FLT4: variants seen among roughly 807,000 people sequenced by gnomAD.
FLT4 encodes fms related receptor tyrosine kinase 4.
Under a neutral mutation model 163.2 loss-of-function variants are expected in FLT4, and 30 were observed. The ratio of observed to expected loss-of-function variants is 0.18; its 90% confidence interval spans 0.14 to 0.25. The LOEUF (loss-of-function observed/expected upper bound fraction) is 0.25. Among genes scored for constraint, FLT4 ranks in the 10% least tolerant of loss-of-function variants. The probability of loss-of-function intolerance (pLI) is 1.00; values close to 1 mark genes in which losing one functional copy is unlikely to be tolerated. For missense variants in FLT4, 1,510 were observed against 1,863.8 expected, an observed-to-expected ratio of 0.81 and a Z score of 3.50; for synonymous variants, 884 against 789.5, an observed-to-expected ratio of 1.12 and a Z score of -2.01.
At chr5:180,648,193 G>A (rs986192819) in intron 1 of FLT4, among the ~76,000 whole-genome samples, 7 of 152,208 alleles carry the variant, frequency 4.6e-5, no homozygotes, top group African/African-American at 1.7e-4. Flanking sequence ...CTGGGTCCAG[G>A]AGGGCCAAGG....
chr5:180,621,396 A>C (rs998927887), intron 13 of FLT4, 144 bp from the exon 14 acceptor site: 131 of 1,406,982 alleles, frequency 9.3e-5, no homozygotes, highest in Admixed American at 3.0e-4. Flanking sequence ...GCGCCTCCGC[A>C]GGGGGCGGCG....
rs769582484 is a variant in FLT4 at position 180,621,086 on chromosome 5, G to C, written c.2167+20C>G. ...TCGCGGGCCTCCGGACCTGCCCTTC[G>C]CCAGGGCCACCCTCCCTACCAGACT... On this transcript the variant is annotated intron_variant, in intron 14 of 29. Transcript: ENST00000261937. The C allele has an allele frequency of 5.0e-6, 8 of 1,612,584 alleles. No individual in the cohort carries two copies. The highest frequency in any genetic ancestry group is 5.9e-6 in the Non-Finnish European group (7 of 1,179,946).
At chr5:180,608,762 C>G (rs531778173) in intron 29 of FLT4, among the ~76,000 whole-genome samples, 271 of 152,244 alleles carry the variant, frequency 1.8e-3, no homozygotes, top group African/African-American at 6.2e-3. Flanking sequence ...CCAGCGCCCA[C>G]GTGGCCAGCA....
At chr5:180,633,422 C>T (rs993984627) in intron 1 of FLT4, among the ~76,000 whole-genome samples, 7 of 151,718 alleles carry the variant, frequency 4.6e-5, no homozygotes, top group African/African-American at 1.7e-4. Flanking sequence ...CCAGCCCTCC[C>T]TTGGGGCCCC....
At chr5:180,609,610 A>T (rs1762019612) in intron 28 of FLT4, 1 of 424,914 alleles carries the variant, frequency 2.4e-6, no homozygotes, top group African/African-American at 2.0e-5. Context: ...CTCACTGACC[A>T]GGCCCGGGAC....
intron 1 of FLT4, among the ~76,000 whole-genome samples, chr5:180,640,203 G>C (rs970480701): frequency 6.6e-6 from 1 of 152,168 alleles, no homozygotes; most frequent in Non-Finnish European, 1.5e-5. Flanking sequence ...AGCAGCGAGC[G>C]AGGTGGGGGG....
At chr5:180,634,120 C>G (rs35633012) in intron 1 of FLT4, among the ~76,000 whole-genome samples, 1 of 152,078 alleles carries the variant, frequency 6.6e-6, no homozygotes, top group Admixed American at 6.5e-5. Flanking sequence ...TGGACCTCCT[C>G]CTCCCATCCT....
rs2279622 is a variant in FLT4, at chr5:180,601,743, C to T, written c.*1449G>A. 0.12 allele frequency: 28,596 copies of T among 232,694 alleles called. 2,802 individuals carry two copies. The highest frequency in any genetic ancestry group is 0.3 in the African/African-American group (13,477 of 45,268). The allele number at this position is 232,694 out of a possible 1,614,324, so 14.4% of individuals were successfully genotyped here. A position where few individuals can be genotyped will look rare whatever the true frequency, so the allele number is the denominator to read the frequency against. ...GACACGCCAGTCCCACGTTGGACGA[C>T]GTGCAGAGGAAGGGGGAGGTCCACG... is the stretch of plus-strand genomic sequence containing the variant. On this transcript the variant is annotated 3_prime_UTR_variant, in exon 30 of 30. Transcript: ENST00000261937.
intron 17 of FLT4, 76 bp from the exon 18 acceptor site, chr5:180,619,845 C>A: frequency 1.9e-6 from 2 of 1,077,214 alleles, no homozygotes; most frequent in Non-Finnish European, 2.8e-6. Flanking sequence ...GGGGGAGCCC[C>A]GTGCAGAGGT....
chr5:180,614,174 C>T lies in FLT4; in HGVS notation c.3225G>A (p.Arg1075=), dbSNP rs1370513800. 4 of 1,539,820 alleles carry T rather than the reference C, an allele frequency of 2.6e-6. No homozygotes were observed. The highest frequency in any genetic ancestry group is 3.5e-6 in the Non-Finnish European group (4 of 1,136,232). ...CAGGGGCCATCCACTTCAGGGGCAGCCGGGCCTGGGGAGACAGAGGGAAGC... is the reference window on the plus strand; with the variant it reads ...CAGGGGCCATCCACTTCAGGGGCAGTCGGGCCTGGGGAGACAGAGGGAAGC... The part of the protein sequence containing the change: ...DPDYVRKGSA[R]LPLKWMAPES... The change falls in exon 24 of 30, where the codon CGG becomes CGA. Residue 1075 remains arginine, a synonymous_variant. Transcript: ENST00000261937.
intron 1 of FLT4, among the ~76,000 whole-genome samples, chr5:180,637,260 G>A (rs1398968271): frequency 2.0e-5 from 3 of 151,524 alleles, no homozygotes; most frequent in African/African-American, 7.3e-5. Context: ...AACCTGGGAG[G>A]CAGAGGTTGC....
chr5:180,606,893 T>TAAAAAAAAAAA (rs746617863), intron 29 of FLT4, among the ~76,000 whole-genome samples: 1 of 15,542 alleles, frequency 6.4e-5, no homozygotes, highest in African/African-American at 1.1e-4. Context: ...CCGTCTCTAC[T>TAAAAAAAAAAA]AAAAAAAAAA....
intron 22 of FLT4, among the ~76,000 whole-genome samples, 160 bp downstream of exon 22, chr5:180,616,740 G>T (rs1313448434): frequency 6.6e-6 from 1 of 152,194 alleles, no homozygotes; most frequent in Non-Finnish European, 1.5e-5. Context: ...ACCTTGGGAG[G>T]TCAACTCCAT....
chr5:180,604,159 C>T (rs1034017197), intron 29 of FLT4, among the ~76,000 whole-genome samples: 2 of 152,180 alleles, frequency 1.3e-5, no homozygotes, highest in Non-Finnish European at 1.5e-5. Context: ...TGATCCAGCA[C>T]TCACTGGAGC....
At chr5:180,619,446 G>A (rs1762952464) in intron 18 of FLT4, 80 bp from the exon 19 acceptor site, 1 of 1,028,206 alleles carries the variant, frequency 9.7e-7, no homozygotes, top group Non-Finnish European at 1.4e-6. Flanking sequence ...TTGGGAGGGG[G>A]AGGGTTACTA....
At position 180,626,203 on chromosome 5, in the gene FLT4, A is replaced by C. The variant is rs1763595459; in HGVS notation, c.1166T>G (p.Val389Gly). The change falls in exon 9 of 30, where the codon GTG (valine) becomes GGG (glycine). Residue 389 changes from valine to glycine, a missense_variant. This residue lies in a region of FLT4 where 878 missense variants were observed against 1,016.7 expected (regional missense o/e 0.86). Transcript: ENST00000261937. Reference sequence around the variant, plus strand: ...GTAGGTGCCTGTGCTGGCCTCTGTCACCTCCTTGAGCACCAGGGCATGTGG... The same window carrying C: ...GTAGGTGCCTGTGCTGGCCTCTGTCCCCTCCTTGAGCACCAGGGCATGTGG... Reference protein sequence around the residue: ...HSPHALVLKEVTEASTGTYTL... With the variant: ...HSPHALVLKEGTEASTGTYTL... 1 of 1,612,260 alleles carries C rather than the reference A, an allele frequency of 6.2e-7. No homozygotes were observed. The highest frequency in any genetic ancestry group is 8.5e-7 in the Non-Finnish European group (1 of 1,179,906).
rs772016197 is a variant in FLT4 at position 180,611,283 on chromosome 5, C to T, written c.3686+48G>A. 9 of 1,608,144 alleles carry T rather than the reference C, an allele frequency of 5.6e-6. No individual in the cohort carries two copies. The South Asian group carries it at 6.6e-5, about 12-fold the overall frequency. On this transcript the variant is annotated intron_variant, in intron 27 of 29. Coordinates refer to ENST00000261937, the MANE Select transcript of FLT4 (RefSeq NM_182925.5). ...CGCAGAGGGATAAAATGCACCTTGT[C>T]CACATGGCTTTCTCCCACCCTACTC... is the stretch of plus-strand genomic sequence containing the variant.
In FLT4 at chr5:180,623,882, C is replaced by G. The variant is rs1763373201; in HGVS notation, c.1548+53G>C. On this transcript the variant is annotated intron_variant, in intron 11 of 29. Coordinates refer to ENST00000261937, the MANE Select transcript of FLT4 (RefSeq NM_182925.5). This position sits in a 1 kb window ranked among gnomAD's most constrained non-coding sequence, Gnocchi z 5.8. ...AAACCACATGGCAGTAATGGCCTCT[C>G]TCTCCTCCCTTCTCCTTCTCCCTGG... 6.2e-7 allele frequency: 1 copy of G among 1,609,300 alleles called. No homozygotes were observed. The highest frequency in any genetic ancestry group is 2.2e-5 in the East Asian group (1 of 44,858).
chr5:180,613,756 C>T (rs1042077010), intron 24 of FLT4: 2 of 451,948 alleles, frequency 4.4e-6, no homozygotes, highest in Admixed American at 6.8e-5. Context: ...TCTTGGAGCT[C>T]TTGGAGTAGG....
Sources: allele counts gnomAD v4.1 joint callset (sites outside exome capture counted in the v4.1 genomes callset), GRCh38; gene constraint gnomAD v4.1.1; regional missense constraint gnomAD v4.1.1; non-coding constraint Gnocchi (gnomAD v3.1); transcripts MANE v1.5; gene names NCBI Gene and HGNC (gene_info 2026-07-23, HGNC 2026-07-21).